Variants in PCLO observed in about 807,000 individuals in gnomAD.
The protein encoded by PCLO is protein piccolo.
In PCLO, 82 loss-of-function variants were observed where a neutral mutation model predicts 427.5. That is an observed-to-expected ratio of 0.19 (90% CI 0.16 to 0.23). PCLO has a LOEUF of 0.23. Among genes scored for constraint, PCLO ranks in the 10% least tolerant of loss-of-function variants. The pLI is 1.00. For synonymous variants in PCLO, 2,357 were observed against 2,155.4 expected, an observed-to-expected ratio of 1.09 and a Z score of -2.59; for missense variants, 6,239 against 6,115.9, an observed-to-expected ratio of 1.02 and a Z score of -0.67.
intron 7 of PCLO, among the ~76,000 whole-genome samples, chr7:82,910,157 G>C (rs1794288676): frequency 6.6e-6 from 1 of 151,590 alleles, no homozygotes; most frequent in African/African-American, 2.4e-5. Flanking sequence ...ATCCTTTAAA[G>C]ATTTGTTGAT....
Position 82,950,512 on chromosome 7 carries a change from G to A in PCLO, c.10076C>T (p.Ala3359Val). 6.2e-7 allele frequency: 1 copy of A among 1,613,828 alleles called. No homozygotes were observed. The highest frequency in any genetic ancestry group is 8.5e-7 in the Non-Finnish European group (1 of 1,179,842). ...TATTTCAATTGCCACAACAGCTGAA[G>A]CTGTGGTGGTTGCATCTTCAGTTGC... is the stretch of plus-strand genomic sequence containing the variant. ...FWATEDATTT[A>V]SAVVAIEIPQ... Residue 3359 changes from alanine to valine, a missense_variant, in exon 6 of 25, where the codon GCT becomes GTT. Around this residue, in one of 5 missense-constraint regions of PCLO, gnomAD observed 4,677 missense variants for 4,468.4 expected, o/e 1.05. Transcript: ENST00000333891.
intron 22 of PCLO, among the ~76,000 whole-genome samples, chr7:82,782,856 T>C (rs1276573902): frequency 6.6e-6 from 1 of 152,212 alleles, no homozygotes; most frequent in African/African-American, 2.4e-5. Flanking sequence ...TAGTATCTTT[T>C]CTCCTCTTTC....
At position 82,966,282 on chromosome 7, in the gene PCLO, T is replaced by C. The variant is rs199503243; in HGVS notation, c.3506A>G (p.Glu1169Gly). 1 of 1,613,044 alleles carries C rather than the reference T, an allele frequency of 6.2e-7. No homozygotes were observed. Among genetic ancestry groups the C allele is most frequent in the Non-Finnish European group, 8.5e-7 (1 of 1,179,690 alleles). Residue 1169 changes from glutamate to glycine, a missense_variant, in exon 4 of 25, where the codon GAA (glutamate) becomes GGA (glycine). By Grantham distance (98) the Glu-to-Gly change is moderately conservative. Transcript: ENST00000333891. ...CTTTACTTTTTCCAGAATGACTTTT[T>C]CAGCTTCCGTTTTTACTTCTTGTTC... ...KQEQEVKTEA[E>G]KVILEKVKET...
intron 22 of PCLO, among the ~76,000 whole-genome samples, chr7:82,792,526 T>C (rs1409488099): frequency 6.6e-6 from 1 of 151,944 alleles, no homozygotes; most frequent in Non-Finnish European, 1.5e-5. Context: ...TGGGGTTTTG[T>C]CATGTTGCCT....
chr7:82,921,986 A>T (rs1003407825), intron 6 of PCLO, among the ~76,000 whole-genome samples: 2 of 152,100 alleles, frequency 1.3e-5, no homozygotes, highest in Non-Finnish European at 2.9e-5. Flanking sequence ...AATGCTCAAC[A>T]TCAGTAATCA....
chr7:83,129,937 T>G (rs908893263), intron 3 of PCLO, among the ~76,000 whole-genome samples: 1 of 152,116 alleles, frequency 6.6e-6, no homozygotes, highest in Non-Finnish European at 1.5e-5. Context: ...TCATTGAATA[T>G]TTTAACTAAA....
At chr7:82,840,419 G>T (rs1792339008) in intron 14 of PCLO, among the ~76,000 whole-genome samples, 1 of 151,858 alleles carries the variant, frequency 6.6e-6, no homozygotes, top group Non-Finnish European at 1.5e-5. Flanking sequence ...TTTCTTGTAG[G>T]TCACTGCCAT....
At chr7:83,110,173 T>G (rs182250703) in intron 3 of PCLO, among the ~76,000 whole-genome samples, 1 of 151,618 alleles carries the variant, frequency 6.6e-6, no homozygotes, top group African/African-American at 2.4e-5. Flanking sequence ...TGTAGGCCTT[T>G]ACAGTGTTTA....
rs780621377 is a variant in PCLO, at chr7:82,949,989, G to C, written c.10599C>G (p.Thr3533=). 6.2e-7 allele frequency: 1 copy of C among 1,613,272 alleles called. No homozygotes were observed. The highest frequency in any genetic ancestry group is 1.3e-5 in the African/African-American group (1 of 74,758). The change falls in exon 6 of 25, where the codon ACC becomes ACG. Residue 3533 remains threonine (T), a synonymous_variant. Coordinates refer to ENST00000333891, the MANE Select transcript of PCLO (RefSeq NM_033026.6). The part of the protein sequence containing the change: ...EISVQTEPVG[T]IRTPSIRARV... The stretch of plus-strand genomic sequence containing the variant: ...GTGCCCGTATGGAGGGTGTTCTTAT[G>C]GTTCCAACTGGTTCAGTTTGCACAG...
chr7:83,053,148 C>A (rs1789294574), intron 3 of PCLO, among the ~76,000 whole-genome samples: 4 of 151,926 alleles, frequency 2.6e-5, no homozygotes, highest in Admixed American at 1.3e-4. Context: ...ACTATACATT[C>A]TCTATGCACT....
chr7:83,122,237 C>A (rs1192152292), intron 3 of PCLO, among the ~76,000 whole-genome samples: 2 of 148,146 alleles, frequency 1.4e-5, no homozygotes, highest in African/African-American at 2.5e-5. Flanking sequence ...CCTCTAATAT[C>A]TATAATAAGA....
At position 82,824,353 on chromosome 7, in the gene PCLO, CTTT is replaced by C; in HGVS notation, c.14476_14478del (p.Lys4826del). The C allele has an allele frequency of 1.9e-6, 3 of 1,612,878 alleles. No individual in the cohort carries two copies. Among genetic ancestry groups the C allele is most frequent in the Non-Finnish European group, 2.5e-6 (3 of 1,179,336 alleles). On this transcript the variant is annotated inframe_deletion, in exon 19 of 25. Coordinates refer to ENST00000333891, the MANE Select transcript of PCLO (RefSeq NM_033026.6). ...CCATGATCAATGCTTTCAGTCTGTT[CTTT>C]GAGAGGATACCACCTTGGAGTGTTA...
At chr7:83,005,397 G>T (rs1452521301) in intron 3 of PCLO, among the ~76,000 whole-genome samples, 1 of 151,626 alleles carries the variant, frequency 6.6e-6, no homozygotes, top group East Asian at 1.9e-4. Flanking sequence ...GCAGAGTAGT[G>T]GCTGCCAGGG....
chr7:83,028,280 T>C (rs1230608901), intron 3 of PCLO, among the ~76,000 whole-genome samples: 1 of 150,082 alleles, frequency 6.7e-6, no homozygotes, highest in African/African-American at 2.4e-5. Flanking sequence ...AAAATCAATG[T>C]ACAAAAATCA....
At chr7:83,038,992 A>G (rs961837189) in intron 3 of PCLO, among the ~76,000 whole-genome samples, 4 of 151,968 alleles carry the variant, frequency 2.6e-5, no homozygotes, top group African/African-American at 9.7e-5. Flanking sequence ...AAAGATGTCA[A>G]GCATGCATTT....
chr7:82,846,034 T>G (rs1170735689), intron 12 of PCLO, among the ~76,000 whole-genome samples: 1 of 152,140 alleles, frequency 6.6e-6, no homozygotes, highest in Non-Finnish European at 1.5e-5. Context: ...AGTGATGTTT[T>G]TAATCTTACA....
intron 22 of PCLO, among the ~76,000 whole-genome samples, chr7:82,798,573 C>G (rs533523304): frequency 6.6e-6 from 1 of 152,318 alleles, no homozygotes; most frequent in South Asian, 2.1e-4. Context: ...GTCCTCCTAT[C>G]TGCATAGAGC....
At chr7:82,946,371 C>G (rs1242001575) in intron 6 of PCLO, among the ~76,000 whole-genome samples, 1 of 152,088 alleles carries the variant, frequency 6.6e-6, no homozygotes, top group Non-Finnish European at 1.5e-5. Flanking sequence ...AATTCCTGCT[C>G]TTGTAGAGCT....
At chr7:83,036,487 TTTCTC>T (rs1442372777) in intron 3 of PCLO, among the ~76,000 whole-genome samples, 2 of 152,136 alleles carry the variant, frequency 1.3e-5, no homozygotes, top group African/African-American at 4.8e-5. Flanking sequence ...GCTCACCTGA[TTTCTC>T]TGGATGAGTC....
Sources: gnomAD v4.1 joint callset for allele counts (sites outside exome capture counted in the v4.1 genomes callset) on GRCh38, gnomAD v4.1.1 for gene constraint, gnomAD v4.1.1 regional missense constraint, MANE v1.5 for transcripts, NCBI Gene and HGNC (gene_info 2026-07-23, HGNC 2026-07-21) for gene names.